Variants in CACNB4 observed in about 807,000 individuals in gnomAD.
CACNB4 encodes voltage-dependent L-type calcium channel subunit beta-4.
CACNB4 carries 32 observed loss-of-function variants against 71.2 expected under a neutral mutation model. The observed-to-expected ratio is 0.45, with a 90% CI of 0.34 to 0.60. The LOEUF (loss-of-function observed/expected upper bound fraction) is 0.60. Among genes scored for constraint, CACNB4 ranks in the 20% least tolerant of loss-of-function variants. The pLI is 0.01. For missense variants in CACNB4, 464 were observed against 647.9 expected, an observed-to-expected ratio of 0.72 and a Z score of 3.08; for synonymous variants, 231 against 236.9, an observed-to-expected ratio of 0.97 and a Z score of 0.23.
At chr2:151,925,167 T>C (rs1342362744) in intron 2 of CACNB4, among the ~76,000 whole-genome samples, 1 of 152,232 alleles carries the variant, frequency 6.6e-6, no homozygotes, top group Non-Finnish European at 1.5e-5. Context: ...AATGACTTAA[T>C]TAATTGTTAA....
chr2:152,068,995 C>T (rs1686508980), intron 2 of CACNB4, among the ~76,000 whole-genome samples: 1 of 152,180 alleles, frequency 6.6e-6, no homozygotes, highest in South Asian at 2.1e-4. Flanking sequence ...GGCTTTCTGG[C>T]CACAAAGAGG....
intron 2 of CACNB4, among the ~76,000 whole-genome samples, chr2:152,012,642 TTC>T (rs1288142979): frequency 1.1e-4 from 16 of 150,912 alleles, no homozygotes; most frequent in African/African-American, 3.9e-4. Flanking sequence ...AAGAAAAAAG[TTC>T]ATATAAGGAT....
chr2:151,978,676 A>G (rs986025121), intron 2 of CACNB4, among the ~76,000 whole-genome samples: 2 of 152,182 alleles, frequency 1.3e-5, no homozygotes, highest in African/African-American at 2.4e-5. Flanking sequence ...CAGGGCTGCT[A>G]TGGTAGTTCT....
At chr2:151,910,658 C>T (rs1262563772) in intron 2 of CACNB4, among the ~76,000 whole-genome samples, 6 of 152,048 alleles carry the variant, frequency 3.9e-5, no homozygotes, top group Non-Finnish European at 1.5e-5. Context: ...TTAGTCTATA[C>T]GTCTGTTTTG....
intron 2 of CACNB4, among the ~76,000 whole-genome samples, chr2:151,913,749 G>A (rs1323340102): frequency 7.2e-6 from 1 of 138,988 alleles, no homozygotes; most frequent in Non-Finnish European, 1.5e-5. Context: ...CTGGGCGACA[G>A]AGCGAGACTC....
chr2:151,835,372 AT>A lies in CACNB4; in HGVS notation c.*3746del, dbSNP rs1386752628. On this transcript the variant is annotated 3_prime_UTR_variant, in exon 14 of 14. Transcript: ENST00000539935. Reference sequence around the variant, plus strand: ...GAAGGCATATTTTAATAATCTATGTATTTAGCTTTGCAGCAAGGTTAGCCAG... The same window carrying A: ...GAAGGCATATTTTAATAATCTATGTATTAGCTTTGCAGCAAGGTTAGCCAG... 2 of 151,952 alleles carry A rather than the reference AT, an allele frequency of 1.3e-5. No individual in the cohort carries two copies. Among genetic ancestry groups the A allele is most frequent in the African/African-American group, 4.8e-5 (2 of 41,456 alleles). 9.4% of individuals were successfully genotyped at this position (151,952 alleles called of 1,614,324 possible). A position where few individuals can be genotyped will look rare whatever the true frequency, so the allele number is the denominator to read the frequency against.
intron 8 of CACNB4, 104 bp downstream of exon 8, chr2:151,870,427 C>T (rs2099844329): frequency 1.1e-6 from 1 of 914,838 alleles, no homozygotes; most frequent in African/African-American, 1.6e-5. Context: ...GCACTGGCTT[C>T]CATCAGGACC....
intron 2 of CACNB4, among the ~76,000 whole-genome samples, chr2:151,885,880 C>T (rs942595097): frequency 6.6e-6 from 1 of 152,116 alleles, no homozygotes; most frequent in African/African-American, 2.4e-5. Flanking sequence ...TCCTTTAAAG[C>T]AGAGTTCTCT....
At chr2:151,875,020 AT>A (rs952875458) in intron 5 of CACNB4, 23,247 of 320,616 alleles carry the variant, frequency 0.073, no homozygotes, top group East Asian at 0.097. Context: ...ATACCATCAC[AT>A]TTTTTTTTTT....
At chr2:151,937,822 A>G (rs2099863302) in intron 2 of CACNB4, among the ~76,000 whole-genome samples, 1 of 152,232 alleles carries the variant, frequency 6.6e-6, no homozygotes, top group South Asian at 2.1e-4. Flanking sequence ...CACTAATTTC[A>G]AGGTTAGAGG....
chr2:152,084,607 T>C (rs1687544354), intron 2 of CACNB4, among the ~76,000 whole-genome samples: 1 of 152,150 alleles, frequency 6.6e-6, no homozygotes, highest in Non-Finnish European at 1.5e-5. Context: ...CTGCTTCTGC[T>C]TCCTTTGTTT....
chr2:151,938,621 G>C (rs2099863508), intron 2 of CACNB4, among the ~76,000 whole-genome samples: 1 of 152,184 alleles, frequency 6.6e-6, no homozygotes, highest in Non-Finnish European at 1.5e-5. Context: ...GTTTTACCTG[G>C]ATGTCAGAAT....
At chr2:151,951,770 G>A (rs572509420) in intron 2 of CACNB4, among the ~76,000 whole-genome samples, 178 of 152,286 alleles carry the variant, frequency 1.2e-3, no homozygotes, top group Non-Finnish European at 2.2e-3. Flanking sequence ...AGACTAACGA[G>A]GAAGCTGGAG....
chr2:151,941,803 A>G (rs1014007157), intron 2 of CACNB4, among the ~76,000 whole-genome samples: 2 of 152,216 alleles, frequency 1.3e-5, no homozygotes, highest in African/African-American at 4.8e-5. Flanking sequence ...TGTGTTATGT[A>G]CCAAAAATTA....
chr2:151,912,978 C>G, intron 2 of CACNB4, among the ~76,000 whole-genome samples: 1 of 152,128 alleles, frequency 6.6e-6, no homozygotes. Context: ...TTGTCAGAGA[C>G]TAGAATTGCA....
At chr2:152,083,464 G>T (rs572230872) in intron 2 of CACNB4, among the ~76,000 whole-genome samples, 1 of 152,138 alleles carries the variant, frequency 6.6e-6, no homozygotes, top group Admixed American at 6.6e-5. Flanking sequence ...GGACAGGATC[G>T]TGGATAAATG....
At chr2:151,865,165 G>A (rs999661076) in intron 9 of CACNB4, among the ~76,000 whole-genome samples, 3 of 152,168 alleles carry the variant, frequency 2.0e-5, no homozygotes, top group Middle Eastern at 6.3e-3. Flanking sequence ...TCCATTTGTT[G>A]ACTGCAATTA....
intron 2 of CACNB4, among the ~76,000 whole-genome samples, chr2:151,913,878 C>A (rs577708492): frequency 6.6e-6 from 1 of 152,194 alleles, no homozygotes; most frequent in South Asian, 2.1e-4. Flanking sequence ...TGCAGGTGAC[C>A]TGGCCTTACT....
At chr2:152,000,350 C>T (rs745552300) in intron 2 of CACNB4, among the ~76,000 whole-genome samples, 15 of 152,214 alleles carry the variant, frequency 9.9e-5, no homozygotes, top group Admixed American at 3.9e-4. Flanking sequence ...AGCAGTGTGG[C>T]CTTACACAAG....
Sources: gnomAD v4.1 joint callset for allele counts (sites outside exome capture counted in the v4.1 genomes callset) on GRCh38, gnomAD v4.1.1 for gene constraint, MANE v1.5 for transcripts, NCBI Gene and HGNC (gene_info 2026-07-23, HGNC 2026-07-21) for gene names.